The following CDK14 variants were observed in gnomAD, a reference collection of about 807,000 sequenced individuals.
CDK14 encodes cyclin-dependent kinase 14.
In CDK14, 34 loss-of-function variants were observed where a neutral mutation model predicts 60.7. The observed-to-expected ratio is 0.56, with a 90% confidence interval of 0.43 to 0.75. CDK14 has a LOEUF of 0.75. Among genes scored for constraint, CDK14 ranks in the 30% least tolerant of loss-of-function variants. The pLI is 0.00. For synonymous variants in CDK14, 197 were observed against 203.7 expected, an observed-to-expected ratio of 0.97 and a Z score of 0.28; for missense variants, 482 against 564.1, an observed-to-expected ratio of 0.85 and a Z score of 1.47.
intron 14 of CDK14, among the ~76,000 whole-genome samples, chr7:91,125,496 T>A (rs896330558): frequency 6.6e-6 from 1 of 152,130 alleles, no homozygotes; most frequent in Non-Finnish European, 1.5e-5. Context: ...GAGCATCTTT[T>A]GGAATTTAGG....
At chr7:90,675,400 A>T (rs1439478379) in intron 2 of CDK14, among the ~76,000 whole-genome samples, 1 of 151,372 alleles carries the variant, frequency 6.6e-6, no homozygotes, top group East Asian at 1.9e-4. Context: ...TGAATATAGG[A>T]TTTTTTTTTC....
intron 14 of CDK14, among the ~76,000 whole-genome samples, chr7:91,198,698 G>C (rs982700440): frequency 6.6e-6 from 1 of 152,178 alleles, no homozygotes; most frequent in African/African-American, 2.4e-5. Context: ...CTACAGAAAT[G>C]AATATTTTGT....
At chr7:91,101,468 A>G (rs1029903065) in intron 12 of CDK14, among the ~76,000 whole-genome samples, 4 of 152,236 alleles carry the variant, frequency 2.6e-5, no homozygotes, top group African/African-American at 9.6e-5. Context: ...GCATTAAACA[A>G]TTTCATTAGA....
intron 14 of CDK14, among the ~76,000 whole-genome samples, chr7:91,185,723 A>T (rs1481230110): frequency 6.6e-6 from 1 of 151,844 alleles, no homozygotes; most frequent in African/African-American, 2.4e-5. Context: ...TTAAATAAAT[A>T]TACTTAAATA....
intron 11 of CDK14, among the ~76,000 whole-genome samples, chr7:91,052,132 G>C (rs1026412216): frequency 6.6e-6 from 1 of 152,118 alleles, no homozygotes. Flanking sequence ...CTGAGAGTGC[G>C]AGTGGTGTTT....
intron 11 of CDK14, among the ~76,000 whole-genome samples, chr7:91,063,852 T>C (rs6953490): frequency 0.024 from 3,695 of 152,306 alleles, 150 homozygotes; most frequent in African/African-American, 0.082. Context: ...TCAAGTATAT[T>C]ATTATTAATA....
chr7:90,848,081 T>TC (rs1790525090), intron 5 of CDK14, among the ~76,000 whole-genome samples: 1 of 152,022 alleles, frequency 6.6e-6, no homozygotes, highest in Admixed American at 6.6e-5. Context: ...GGGGGTGGGG[T>TC]CTGTCAAGGC....
intron 2 of CDK14, among the ~76,000 whole-genome samples, chr7:90,724,910 A>G (rs1030063194): frequency 1.2e-4 from 18 of 152,230 alleles, no homozygotes; most frequent in African/African-American, 3.1e-4. Flanking sequence ...AAAATATTGC[A>G]TGCTCCAACA....
chr7:90,734,807 C>T (rs6970335), intron 3 of CDK14, among the ~76,000 whole-genome samples: 65,911 of 151,896 alleles, frequency 0.43, 14,796 homozygotes, highest in Middle Eastern at 0.49. Context: ...TGAAGCCTAC[C>T]TCTGTCAATT....
intron 6 of CDK14, among the ~76,000 whole-genome samples, chr7:90,889,978 T>C (rs183758327): frequency 1.1e-4 from 16 of 152,320 alleles, no homozygotes; most frequent in Non-Finnish European, 2.1e-4. Flanking sequence ...TGGCTTGTTT[T>C]TGTTGTTAAA....
intron 5 of CDK14, among the ~76,000 whole-genome samples, chr7:90,814,008 T>TTTAAA (rs1789248192): frequency 6.6e-6 from 1 of 152,228 alleles, no homozygotes; most frequent in Non-Finnish European, 1.5e-5. Flanking sequence ...ACATTAGTGA[T>TTTAAA]TTAATATCTT....
intron 14 of CDK14, among the ~76,000 whole-genome samples, chr7:91,183,682 A>G (rs1008158258): frequency 6.6e-6 from 1 of 152,202 alleles, no homozygotes; most frequent in Non-Finnish European, 1.5e-5. Context: ...TGAGATCTGA[A>G]CTGACACCTT....
At chr7:90,673,237 G>A (rs1007551184) in intron 2 of CDK14, among the ~76,000 whole-genome samples, 13 of 152,164 alleles carry the variant, frequency 8.5e-5, no homozygotes, top group African/African-American at 2.7e-4. Context: ...AAGGGTCAGG[G>A]AGGAGCAGTA....
At chr7:90,740,701 CA>C (rs1391077402) in intron 3 of CDK14, among the ~76,000 whole-genome samples, 7 of 152,202 alleles carry the variant, frequency 4.6e-5, no homozygotes, top group Non-Finnish European at 1.0e-4. Flanking sequence ...ACACCTCTAG[CA>C]ATCCATACAT....
At chr7:90,783,815 G>A (rs1422964364) in intron 4 of CDK14, among the ~76,000 whole-genome samples, 2 of 152,130 alleles carry the variant, frequency 1.3e-5, no homozygotes, top group Admixed American at 6.6e-5. Context: ...GGGAACACTT[G>A]TATGCTGTTG....
At chr7:91,173,802 TC>T (rs1247968126) in intron 14 of CDK14, among the ~76,000 whole-genome samples, 1 of 150,758 alleles carries the variant, frequency 6.6e-6, no homozygotes, top group Non-Finnish European at 1.5e-5. Context: ...GCTCGGAGGG[TC>T]CTACGCCCAC....
At chr7:90,742,837 T>A (rs1803406392) in intron 3 of CDK14, among the ~76,000 whole-genome samples, 1 of 152,012 alleles carries the variant, frequency 6.6e-6, no homozygotes. Flanking sequence ...AAAAACCATT[T>A]ATTGTGTATA....
At chr7:91,015,492 T>G (rs1032184355) in intron 10 of CDK14, among the ~76,000 whole-genome samples, 1 of 150,582 alleles carries the variant, frequency 6.6e-6, no homozygotes, top group Non-Finnish European at 1.5e-5. Context: ...GTTTGTTGGG[T>G]CTCCCTACCC....
At chr7:90,943,929 G>T (rs1371148219) in intron 8 of CDK14, among the ~76,000 whole-genome samples, 1 of 152,134 alleles carries the variant, frequency 6.6e-6, no homozygotes, top group Non-Finnish European at 1.5e-5. Flanking sequence ...GGGGTGATTA[G>T]GTTGTTAAGA....
Sources: allele counts gnomAD v4.1 joint callset (sites outside exome capture counted in the v4.1 genomes callset), GRCh38; gene constraint gnomAD v4.1.1; transcripts MANE v1.5; gene names NCBI Gene and HGNC (gene_info 2026-07-23, HGNC 2026-07-21).